Variants in RAB27A observed in about 807,000 individuals in gnomAD.
RAB27A encodes the protein ras-related protein Rab-27A.
In RAB27A, 17 loss-of-function variants were observed where a neutral mutation model predicts 20.8. The ratio of observed to expected loss-of-function variants is 0.82; its 90% CI spans 0.56 to 1.23. The LOEUF (loss-of-function observed/expected upper bound fraction) is 1.23, where lower values mean the gene tolerates loss of function less well. RAB27A is among the 50% of genes most tolerant of loss of function. RAB27A has a pLI of 0.00. For synonymous variants in RAB27A, 85 were observed against 92.8 expected, an observed-to-expected ratio of 0.92 and a Z score of 0.48; for missense variants, 277 against 266.7, an observed-to-expected ratio of 1.04 and a Z score of -0.27.
At chr15:55,208,323 T>C (rs544600888) in intron 6 of RAB27A, among the ~76,000 whole-genome samples, 30 of 152,346 alleles carry the variant, frequency 2.0e-4, no homozygotes, top group Admixed American at 4.6e-4. Flanking sequence ...TAGAAATATA[T>C]AATTTTGACT....
chr15:55,216,857 G>A (rs114214609), intron 6 of RAB27A, among the ~76,000 whole-genome samples: 1,610 of 152,214 alleles, frequency 0.011, 28 homozygotes, highest in African/African-American at 0.037. Context: ...CACTTTCCAA[G>A]CAATCTTCAT....
chr15:55,277,296 G>A (rs970740041), intron 1 of RAB27A, among the ~76,000 whole-genome samples: 1 of 152,156 alleles, frequency 6.6e-6, no homozygotes, highest in African/African-American at 2.4e-5. Flanking sequence ...CTGGGGGAGA[G>A]GCGTCTACTG....
chr15:55,210,280 A>AT (rs1894954939), intron 6 of RAB27A, among the ~76,000 whole-genome samples: 3 of 125,410 alleles, frequency 2.4e-5, no homozygotes, highest in African/African-American at 1.1e-4. Flanking sequence ...TTCTATTTTT[A>AT]GTTTTTTTTT....
In RAB27A at chr15:55,203,853, A is replaced by G. The variant is rs1383009726; in HGVS notation, c.*1654T>C. The G allele has an allele frequency of 6.6e-6, 1 of 152,078 alleles. No homozygotes were observed. Among genetic ancestry groups the G allele is most frequent in the African/African-American group, 2.4e-5 (1 of 41,430 alleles). The allele number at this position is 152,078 out of a possible 1,614,324, so 9.4% of individuals were successfully genotyped here. Reference sequence around the variant, plus strand: ...GATAGAAATATGTAAAATTTTACCAACCATGGATAAGTTTGTTATGGGAGT... The same window carrying G: ...GATAGAAATATGTAAAATTTTACCAGCCATGGATAAGTTTGTTATGGGAGT... On this transcript the variant is annotated 3_prime_UTR_variant, in exon 7 of 7. Coordinates refer to ENST00000336787, the MANE Select transcript of RAB27A (RefSeq NM_183235.3).
intron 6 of RAB27A, among the ~76,000 whole-genome samples, chr15:55,216,627 GA>G (rs958195668): frequency 7.8e-4 from 118 of 150,658 alleles, no homozygotes; most frequent in African/African-American, 1.8e-3. Context: ...TGTGTTGTGT[GA>G]AAAAAAAAGA....
At chr15:55,209,786 ATG>A (rs144298277) in intron 6 of RAB27A, among the ~76,000 whole-genome samples, 2,411 of 86,148 alleles carry the variant, frequency 0.028, 275 homozygotes, top group African/African-American at 0.091. Context: ...ATACACACAT[ATG>A]TGTGTATGTA....
intron 2 of RAB27A, among the ~76,000 whole-genome samples, chr15:55,245,415 T>C (rs562698564): frequency 1.3e-5 from 2 of 152,198 alleles, no homozygotes; most frequent in Non-Finnish European, 2.9e-5. Context: ...CTTTGAAAAG[T>C]AGAAGGAAAC....
Position 55,205,292 on chromosome 15 carries a change from T to C in RAB27A, c.*215A>G. ...GTATAAGGCACTTTTGGCTCTGAAA[T>C]ATTTCTCCTAACTCTCAGGCTGAAT... is the stretch of plus-strand genomic sequence containing the variant. On this transcript the variant is annotated 3_prime_UTR_variant, in exon 7 of 7. Transcript: ENST00000336787. 1.6e-6 allele frequency: 1 copy of C among 606,772 alleles called. No individual in the cohort carries two copies. Among genetic ancestry groups the C allele is most frequent in the Non-Finnish European group, 2.9e-6 (1 of 344,320 alleles). 37.6% of individuals were successfully genotyped at this position (606,772 alleles called of 1,614,324 possible). A position where few individuals can be genotyped will look rare whatever the true frequency, so the allele number is the denominator to read the frequency against.
chr15:55,249,940 T>C (rs1482459017), intron 2 of RAB27A, among the ~76,000 whole-genome samples: 3 of 152,048 alleles, frequency 2.0e-5, no homozygotes, highest in Non-Finnish European at 4.4e-5. Context: ...TCTGTAAACT[T>C]ATTAAGATTT....
chr15:55,266,458 G>T (rs1010651931), intron 2 of RAB27A, among the ~76,000 whole-genome samples: 1 of 152,128 alleles, frequency 6.6e-6, no homozygotes, highest in African/African-American at 2.4e-5. Flanking sequence ...AAGAAGAAGT[G>T]ATTAATTTGA....
intron 5 of RAB27A, among the ~76,000 whole-genome samples, chr15:55,224,799 C>T (rs1872958390): frequency 6.6e-6 from 1 of 152,236 alleles, no homozygotes; most frequent in South Asian, 2.1e-4. Flanking sequence ...TAAACGTTCA[C>T]AGTAAGACAT....
At chr15:55,220,703 A>T (rs74759534) in intron 6 of RAB27A, among the ~76,000 whole-genome samples, 4 of 152,240 alleles carry the variant, frequency 2.6e-5, no homozygotes, top group Non-Finnish European at 5.9e-5. Context: ...CTGTTAGCAC[A>T]TGGATAAACT....
chr15:55,255,444 T>C (rs898878707), intron 2 of RAB27A, among the ~76,000 whole-genome samples: 9 of 152,206 alleles, frequency 5.9e-5, no homozygotes, highest in African/African-American at 2.2e-4. Context: ...TCTCATTTTG[T>C]GTATTGCTTC....
chr15:55,247,655 G>A (rs1184658379), intron 2 of RAB27A, among the ~76,000 whole-genome samples: 1 of 152,152 alleles, frequency 6.6e-6, no homozygotes, highest in Non-Finnish European at 1.5e-5. Context: ...GCTTTCTGAA[G>A]GAGCAATGAT....
chr15:55,228,332 G>A (rs1895889704), intron 5 of RAB27A, among the ~76,000 whole-genome samples: 1 of 152,178 alleles, frequency 6.6e-6, no homozygotes, highest in South Asian at 2.1e-4. Context: ...GGGAATAAGA[G>A]TCTCTTCTGT....
intron 2 of RAB27A, among the ~76,000 whole-genome samples, chr15:55,307,425 G>C (rs1451758913): frequency 6.6e-6 from 1 of 151,990 alleles, no homozygotes; most frequent in Admixed American, 6.6e-5. Context: ...AGCTTGTTTA[G>C]ATGTCGTTTG....
chr15:55,306,893 G>A (rs1308848194), intron 2 of RAB27A, among the ~76,000 whole-genome samples: 2 of 152,102 alleles, frequency 1.3e-5, no homozygotes, highest in African/African-American at 4.8e-5. Context: ...GGGGATTTAC[G>A]ATTTTAGTTA....
intron 2 of RAB27A, among the ~76,000 whole-genome samples, chr15:55,253,970 G>C (rs186359612): frequency 2.6e-5 from 4 of 152,222 alleles, no homozygotes; most frequent in Admixed American, 1.3e-4. Flanking sequence ...TGAGTGTTCA[G>C]GGGAAATCAC....
chr15:55,300,754 G>A (rs565808924), intron 2 of RAB27A, among the ~76,000 whole-genome samples: 1 of 152,126 alleles, frequency 6.6e-6, no homozygotes, highest in Non-Finnish European at 1.5e-5. Flanking sequence ...GGGCAGGATG[G>A]TAGGAAATCA....
Sources: gnomAD v4.1 joint callset for allele counts (sites outside exome capture counted in the v4.1 genomes callset) on GRCh38, gnomAD v4.1.1 for gene constraint, MANE v1.5 for transcripts, NCBI Gene and HGNC (gene_info 2026-07-23, HGNC 2026-07-21) for gene names.